KDM7A: variants seen among roughly 807,000 people sequenced by gnomAD.
The protein encoded by KDM7A is lysine-specific demethylase 7A.
Under a neutral mutation model 114.8 loss-of-function variants are expected in KDM7A, and 28 were observed. The observed-to-expected ratio is 0.24, with a 90% CI of 0.18 to 0.33. The LOEUF (loss-of-function observed/expected upper bound fraction) is 0.33. KDM7A is among the 10% of genes least tolerant of loss of function. The pLI is 1.00. For missense variants in KDM7A, 942 were observed against 1,142.5 expected (o/e 0.82, Z 2.53); for synonymous variants, 423 against 397.8 (o/e 1.06, Z -0.75).
chr7:140,175,473 A>G (rs1435478016), intron 1 of KDM7A, among the ~76,000 whole-genome samples: 1 of 152,164 alleles, frequency 6.6e-6, no homozygotes, highest in African/African-American at 2.4e-5. Context: ...TGCTCTCGCC[A>G]AGAGACAACA....
intron 10 of KDM7A, 48 bp downstream of exon 10, chr7:140,113,443 T>C: frequency 9.0e-7 from 1 of 1,115,554 alleles, no homozygotes; most frequent in Non-Finnish European, 1.3e-6. Context: ...TCTGTTTTCC[T>C]AATCTTGTGG....
chr7:140,093,692 A>G (rs1818059954), intron 18 of KDM7A, among the ~76,000 whole-genome samples: 1 of 152,222 alleles, frequency 6.6e-6, no homozygotes, highest in Non-Finnish European at 1.5e-5. Context: ...ATGCTCAAAG[A>G]AATTCAGTAT....
intron 1 of KDM7A, among the ~76,000 whole-genome samples, chr7:140,144,428 T>A (rs1263412005): frequency 2.6e-5 from 4 of 151,932 alleles, no homozygotes; most frequent in Non-Finnish European, 5.9e-5. Context: ...TCTTCAAGGG[T>A]TCGGATCAGA....
intron 18 of KDM7A, 26 bp from the exon 19 acceptor site, chr7:140,092,103 C>A: frequency 1.9e-6 from 3 of 1,611,950 alleles, no homozygotes; most frequent in African/African-American, 1.3e-5. Context: ...GGACATGAGG[C>A]TGAATTTTTA....
rs1252633362 is a variant in KDM7A at position 140,096,714 on chromosome 7, G to C, written c.2215C>G (p.Leu739Val). 6.2e-7 allele frequency: 1 copy of C among 1,614,058 alleles called. No homozygotes were observed. Among genetic ancestry groups the C allele is most frequent in the Admixed American group, 1.7e-5 (1 of 60,010 alleles). ...STEEEAIQGM[L>V]SMAGLHYSTC... The stretch of plus-strand genomic sequence containing the variant: ...GAATAGTGCAACCCTGCCATAGACA[G>C]CATGCCCTGAATAGCTTCTTCCTCT... Residue 739 changes from leucine (L) to valine (V), a missense_variant, in exon 17 of 20, where the codon CTG becomes GTG. This residue lies in a region of KDM7A where 512 missense variants were observed against 576.6 expected (regional missense o/e 0.89). Transcript: ENST00000397560.
chr7:140,167,075 A>T (rs778802012), intron 1 of KDM7A, among the ~76,000 whole-genome samples: 27 of 152,216 alleles, frequency 1.8e-4, no homozygotes, highest in Non-Finnish European at 3.8e-4. Context: ...AAGAAAAATT[A>T]AAAACACACC....
Position 140,091,113 on chromosome 7 carries a change from T to C in KDM7A, c.2807A>G (p.His936Arg). ...GKILKLNRNG[H>R]ARFFV Reference sequence around the variant, plus strand: ...GCTCTGTCACACAAAGAAACGTGCATGGCCATTTCTGTTCAACTTAAGGAT... The same window carrying C: ...GCTCTGTCACACAAAGAAACGTGCACGGCCATTTCTGTTCAACTTAAGGAT... The change falls in exon 20 of 20, where the codon CAT (histidine) becomes CGT (arginine). Residue 936 changes from histidine to arginine, a missense_variant. His to Arg is a conservative substitution (Grantham distance 29). Around this residue, in one of 4 missense-constraint regions of KDM7A, gnomAD observed 512 missense variants for 576.6 expected, o/e 0.89. Transcript: ENST00000397560. The C allele has an allele frequency of 6.2e-7, 1 of 1,613,742 alleles. No individual in the cohort carries two copies. The highest frequency in any genetic ancestry group is 8.5e-7 in the Non-Finnish European group (1 of 1,179,566).
intron 2 of KDM7A, among the ~76,000 whole-genome samples, chr7:140,137,654 A>AT (rs1339782353): frequency 1.3e-5 from 2 of 152,208 alleles, no homozygotes; most frequent in African/African-American, 4.8e-5. Context: ...GCTAACCTCA[A>AT]TTTTTATGCT....
At position 140,137,148 on chromosome 7, in the gene KDM7A, T is replaced by G. The variant is rs139844494; in HGVS notation, c.280+1957A>C. Among the ~76,000 whole-genome samples the G allele has an allele frequency of 5.8e-4, 88 of 152,262 alleles. 4 individuals carry two copies. In the East Asian group the frequency reaches 0.015, roughly 26 times the overall value. On this transcript the variant is annotated intron_variant, in intron 2 of 19. Transcript: ENST00000397560. ...ATGACTGGATCTTGGGTGTTTTCCCTGTAAGTACACAGAGTTGGACGTCTG... is the reference window on the plus strand; with the variant it reads ...ATGACTGGATCTTGGGTGTTTTCCCGGTAAGTACACAGAGTTGGACGTCTG...
chr7:140,153,263 G>A (rs1455729606), intron 1 of KDM7A, among the ~76,000 whole-genome samples: 7 of 151,334 alleles, frequency 4.6e-5, no homozygotes, highest in African/African-American at 7.3e-5. Flanking sequence ...CGAGGCGGGC[G>A]GATCACGAGG....
At chr7:140,149,944 CAT>C (rs771242144) in intron 1 of KDM7A, among the ~76,000 whole-genome samples, 72 of 152,150 alleles carry the variant, frequency 4.7e-4, no homozygotes, top group African/African-American at 8.9e-4. Context: ...TTCTACAACA[CAT>C]GTGAATATTT....
At chr7:140,168,749 C>T (rs745772575) in intron 1 of KDM7A, among the ~76,000 whole-genome samples, 2 of 152,158 alleles carry the variant, frequency 1.3e-5, no homozygotes, top group Non-Finnish European at 2.9e-5. Flanking sequence ...ACTATATACA[C>T]AAATACTGTA....
intron 19 of KDM7A, 97 bp from the exon 20 acceptor site, chr7:140,091,285 G>A (rs916687432): frequency 2.4e-6 from 2 of 831,018 alleles, no homozygotes; most frequent in South Asian, 1.4e-5. Context: ...TGGGAAGTAA[G>A]CCCTTAGGTG....
At chr7:140,118,357 G>T (rs1462827051) in intron 9 of KDM7A, among the ~76,000 whole-genome samples, 1 of 151,672 alleles carries the variant, frequency 6.6e-6, no homozygotes, top group African/African-American at 2.4e-5. Flanking sequence ...GTAGCTTTTG[G>T]GTTCAACTAT....
rs1428408185 is a variant in KDM7A at position 140,099,885 on chromosome 7, T to C, written c.1763+14A>G. On this transcript the variant is annotated intron_variant, in intron 13 of 19. Coordinates refer to ENST00000397560, the MANE Select transcript of KDM7A (RefSeq NM_030647.2). ...AAAATTAATCTATTTGATACTCTGA[T>C]TTACTTTACATACTTAATTATTCTT... 1 of 1,606,158 alleles carries C rather than the reference T, an allele frequency of 6.2e-7. No homozygotes were observed. The highest frequency in any genetic ancestry group is 8.5e-7 in the Non-Finnish European group (1 of 1,172,678).
At chr7:140,132,904 G>A (rs1312860500) in intron 3 of KDM7A, among the ~76,000 whole-genome samples, 1 of 152,200 alleles carries the variant, frequency 6.6e-6, no homozygotes, top group Non-Finnish European at 1.5e-5. Context: ...TAACAAGCCT[G>A]ACTATGATCT....
chr7:140,093,442 T>C (rs557020628), intron 18 of KDM7A, among the ~76,000 whole-genome samples: 1 of 152,356 alleles, frequency 6.6e-6, no homozygotes, highest in East Asian at 1.9e-4. Context: ...TTCTTTCTTA[T>C]GTGTGCTTGG....
rs767128246 is a variant in KDM7A, at chr7:140,091,208, A to T, written c.2732-20T>A. The T allele has an allele frequency of 5.9e-6, 9 of 1,522,964 alleles. No homozygotes were observed. The South Asian group carries it at 1.0e-4, about 17-fold the overall frequency. 94.3% of individuals were successfully genotyped at this position (1,522,964 alleles called of 1,614,324 possible). ...GTTTACCTATAAAACACCAAAAGGGAGTGTAAGTAATGATGAAAAGTACAC... is the reference window on the plus strand; with the variant it reads ...GTTTACCTATAAAACACCAAAAGGGTGTGTAAGTAATGATGAAAAGTACAC... On this transcript the variant is annotated intron_variant, in intron 19 of 19. Transcript: ENST00000397560.
chr7:140,105,660 C>T (rs1311502656), intron 11 of KDM7A, among the ~76,000 whole-genome samples: 1 of 152,158 alleles, frequency 6.6e-6, no homozygotes. Context: ...GGTGGATAAG[C>T]TTTTTGATGT....
Sources: allele counts gnomAD v4.1 joint callset (sites outside exome capture counted in the v4.1 genomes callset), GRCh38; gene constraint gnomAD v4.1.1; regional missense constraint gnomAD v4.1.1; transcripts MANE v1.5; gene names NCBI Gene and HGNC (gene_info 2026-07-23, HGNC 2026-07-21).